CALCRL: variants seen among roughly 807,000 people sequenced by gnomAD.
CALCRL encodes the protein calcitonin receptor like receptor.
A neutral mutation model predicts 60.4 loss-of-function variants in CALCRL; 27 were observed. The ratio of observed to expected loss-of-function variants is 0.45; its 90% CI spans 0.33 to 0.62. The LOEUF (loss-of-function observed/expected upper bound fraction) is 0.62. CALCRL is among the 20% of genes least tolerant of loss of function. The pLI, the probability that CALCRL is intolerant of heterozygous loss-of-function variation, is 0.03. For missense variants in CALCRL, 424 were observed against 540.7 expected (o/e 0.78, Z 2.14); for synonymous variants, 190 against 182.6 (o/e 1.04, Z -0.33).
intron 8 of CALCRL, among the ~76,000 whole-genome samples, chr2:187,373,068 A>C (rs1264990245): frequency 7.2e-5 from 11 of 152,170 alleles, no homozygotes; most frequent in African/African-American, 1.7e-4. Context: ...GCTGAAGGTC[A>C]CAAATAAGGC....
chr2:187,390,927 A>C (rs1688413657), intron 1 of CALCRL, among the ~76,000 whole-genome samples: 1 of 152,170 alleles, frequency 6.6e-6, no homozygotes, highest in Non-Finnish European at 1.5e-5. Context: ...AATTCACTTG[A>C]GTCATCTACT....
chr2:187,441,473 G>C (rs1690903261), intron 1 of CALCRL, among the ~76,000 whole-genome samples: 1 of 151,788 alleles, frequency 6.6e-6, no homozygotes, highest in Non-Finnish European at 1.5e-5. Context: ...CATGGAAGTG[G>C]TGGTGTTGTT....
In CALCRL at chr2:187,346,225, TATC is replaced by T. The variant is rs754097092; in HGVS notation, c.1342_1344del (p.Asp448del). The T allele has an allele frequency of 1.1e-5, 18 of 1,611,072 alleles. No individual in the cohort carries two copies. The highest frequency in any genetic ancestry group is 1.5e-5 in the Non-Finnish European group (18 of 1,178,252). ...TCTGGTTTTAAGAGAACATTTTCAATATCATGGATGCTTTTTCCATTTAAGTGT... is the reference window on the plus strand; with the variant it reads ...TCTGGTTTTAAGAGAACATTTTCAATATGGATGCTTTTTCCATTTAAGTGT... On this transcript the variant is annotated inframe_deletion, in exon 15 of 15. Coordinates refer to ENST00000392370, the MANE Select transcript of CALCRL (RefSeq NM_005795.6).
intron 1 of CALCRL, among the ~76,000 whole-genome samples, chr2:187,418,851 CT>C (rs948516151): frequency 2.2e-5 from 3 of 135,820 alleles, no homozygotes; most frequent in East Asian, 2.1e-4. Flanking sequence ...GTTTTTTTTT[CT>C]TTTTTTCTTT....
chr2:187,406,592 A>G (rs888517319), intron 1 of CALCRL, among the ~76,000 whole-genome samples: 1 of 152,054 alleles, frequency 6.6e-6, no homozygotes, highest in Admixed American at 6.6e-5. Flanking sequence ...ATTTTTATCT[A>G]TGTATATGTT....
intron 1 of CALCRL, among the ~76,000 whole-genome samples, chr2:187,393,201 G>T (rs2105806348): frequency 6.6e-6 from 1 of 151,996 alleles, no homozygotes; most frequent in East Asian, 1.9e-4. Flanking sequence ...ATGTTAAAAT[G>T]GCCAGGCCCC....
At chr2:187,396,242 C>T (rs886600477) in intron 1 of CALCRL, among the ~76,000 whole-genome samples, 1 of 151,790 alleles carries the variant, frequency 6.6e-6, no homozygotes, top group Admixed American at 6.6e-5. Flanking sequence ...TATACTGCCT[C>T]TTTTGAGCTA....
chr2:187,378,083 CAAG>C lies in CALCRL; in HGVS notation c.500+854_500+856del, dbSNP rs201991286. Among the ~76,000 whole-genome samples, 124 of 130,688 alleles carry C rather than the reference CAAG, an allele frequency of 9.5e-4. 3 individuals carry two copies. The East Asian group carries it at 0.026, about 27-fold the overall frequency. The allele number at this position is 130,688 out of a possible 152,430, so 85.7% of individuals were successfully genotyped here. On this transcript the variant is annotated intron_variant, in intron 8 of 14. Transcript: ENST00000392370. ...GAAGAAGGAGAAGGAGAAGAAGAAA[CAAG>C]AAAGAGAAGGAGGAGGAGGAGGAAA...
chr2:187,384,578 G>C (rs1041709488), intron 4 of CALCRL, among the ~76,000 whole-genome samples: 2 of 152,196 alleles, frequency 1.3e-5, no homozygotes, highest in Admixed American at 6.5e-5. Flanking sequence ...TCTAAGAAGT[G>C]CAGGATTTGG....
intron 8 of CALCRL, among the ~76,000 whole-genome samples, chr2:187,366,540 T>C (rs1260123429): frequency 1.3e-5 from 2 of 152,052 alleles, no homozygotes; most frequent in African/African-American, 2.4e-5. Context: ...TGCACAGTTA[T>C]TTCATGTCAA....
intron 1 of CALCRL, among the ~76,000 whole-genome samples, chr2:187,396,432 T>C (rs947273565): frequency 2.0e-5 from 3 of 151,784 alleles, no homozygotes; most frequent in Non-Finnish European, 4.4e-5. Flanking sequence ...TGGAACAGGC[T>C]TAATGCTTAT....
rs1322855749 is a variant in CALCRL at position 187,389,221 on chromosome 2, C to T, written c.-292-1465G>A. ...TCGAATAACTGGTGTTACAGGCGCC[C>T]ACCACTGCGCCTGGCTAATTTTTGT... On this transcript the variant is annotated intron_variant, in intron 1 of 14. Coordinates refer to ENST00000392370, the MANE Select transcript of CALCRL (RefSeq NM_005795.6). 2.6e-5 allele frequency among the ~76,000 whole-genome samples: 4 copies of T among 151,958 alleles called. No individual in the cohort carries two copies. The East Asian group carries it at 7.7e-4, about 29-fold the overall frequency.
chr2:187,417,336 A>C (rs927241724), intron 1 of CALCRL, among the ~76,000 whole-genome samples: 3 of 152,128 alleles, frequency 2.0e-5, no homozygotes, highest in African/African-American at 7.2e-5. Flanking sequence ...TACTAAAAGC[A>C]TCAATGGAAC....
At chr2:187,403,805 T>C (rs1179250147) in intron 1 of CALCRL, among the ~76,000 whole-genome samples, 1 of 151,852 alleles carries the variant, frequency 6.6e-6, no homozygotes, top group Non-Finnish European at 1.5e-5. Context: ...ATTTTACACA[T>C]ACCAAACGCA....
intron 1 of CALCRL, among the ~76,000 whole-genome samples, chr2:187,402,132 A>G (rs1256024773): frequency 1.3e-5 from 2 of 151,636 alleles, no homozygotes; most frequent in African/African-American, 4.8e-5. Flanking sequence ...GTGTGTCTCA[A>G]TTTCTTACAA....
intron 12 of CALCRL, among the ~76,000 whole-genome samples, chr2:187,358,548 TTCCTCTCTGTGCCACAG>T (rs1194772288): frequency 1.0e-3 from 156 of 151,074 alleles, no homozygotes; most frequent in African/African-American, 3.7e-3. Context: ...TCATCCTCTA[TTCCTCTCTGTGCCACAG>T]GAGGATGATG....
At chr2:187,370,415 T>C (rs972525900) in intron 8 of CALCRL, among the ~76,000 whole-genome samples, 9 of 152,226 alleles carry the variant, frequency 5.9e-5, no homozygotes, top group Non-Finnish European at 1.3e-4. Context: ...ATTCAAATAA[T>C]GATATAATTT....
rs191204158 is a variant in CALCRL at position 187,407,814 on chromosome 2, G to T, written c.-292-20058C>A. The stretch of plus-strand genomic sequence containing the variant: ...CTACATTGAATATGAATAAATCCAG[G>T]TTCTAATTTTAACTAAACCTGGGGA... On this transcript the variant is annotated intron_variant, in intron 1 of 14. Transcript: ENST00000392370. Among the ~76,000 whole-genome samples, 286 of 152,110 alleles carry T rather than the reference G, an allele frequency of 1.9e-3. 1 individual carries two copies. Among genetic ancestry groups the T allele is most frequent in the Middle Eastern group, 0.01 (3 of 294 alleles).
At chr2:187,446,483 C>G (rs1263640668) in intron 1 of CALCRL, among the ~76,000 whole-genome samples, 1 of 151,516 alleles carries the variant, frequency 6.6e-6, no homozygotes, top group East Asian at 1.9e-4. Context: ...TTGGGACTAG[C>G]AATTAAACAA....
Sources: gnomAD v4.1 joint callset for allele counts (sites outside exome capture counted in the v4.1 genomes callset) on GRCh38, gnomAD v4.1.1 for gene constraint, MANE v1.5 for transcripts, NCBI Gene and HGNC (gene_info 2026-07-23, HGNC 2026-07-21) for gene names.